OTOGL: variants seen among roughly 807,000 people sequenced by gnomAD.
OTOGL encodes the protein otogelin-like protein.
A neutral mutation model predicts 318.5 loss-of-function variants in OTOGL; 285 were observed. The observed-to-expected ratio is 0.89, with a 90% CI of 0.81 to 0.99. The LOEUF is 0.99. OTOGL is among the 50% of genes least tolerant of loss of function. OTOGL has a pLI of 0.00. For synonymous variants in OTOGL, 987 were observed against 936.5 expected (o/e 1.05, Z -0.99); for missense variants, 2,899 against 2,845.6 (o/e 1.02, Z -0.43).
At chr12:80,180,083 G>T (rs1203145015) in intron 1 of OTOGL, among the ~76,000 whole-genome samples, 2 of 152,200 alleles carry the variant, frequency 1.3e-5, no homozygotes, top group Non-Finnish European at 2.9e-5. Context: ...AGGAGGCCTT[G>T]GTGGCCACGA....
chr12:80,153,636 A>G (rs1872929730), intron 1 of OTOGL, among the ~76,000 whole-genome samples: 1 of 152,322 alleles, frequency 6.6e-6, no homozygotes, highest in African/African-American at 2.4e-5. Flanking sequence ...ATATAATGAT[A>G]TATTTTCACC....
chr12:80,153,951 G>A (rs1872952793), intron 1 of OTOGL, among the ~76,000 whole-genome samples: 1 of 152,158 alleles, frequency 6.6e-6, no homozygotes, highest in Non-Finnish European at 1.5e-5. Context: ...GAATCTGTAA[G>A]TGGACAAAGT....
chr12:80,158,417 G>C (rs1041805364), intron 1 of OTOGL, among the ~76,000 whole-genome samples: 1 of 152,044 alleles, frequency 6.6e-6, no homozygotes, highest in South Asian at 2.1e-4. Context: ...AGGGTTTAGA[G>C]TAAGGGATTG....
chr12:80,263,098 G>A (rs1459296269), intron 19 of OTOGL, among the ~76,000 whole-genome samples: 3 of 152,072 alleles, frequency 2.0e-5, no homozygotes, highest in Non-Finnish European at 2.9e-5. Context: ...TTAAATCTAA[G>A]CCAGCTTTTA....
At chr12:80,118,831 C>T (rs1011657169) in intron 1 of OTOGL, among the ~76,000 whole-genome samples, 1 of 150,034 alleles carries the variant, frequency 6.7e-6, no homozygotes, top group African/African-American at 2.5e-5. Flanking sequence ...GGTCCTAAAA[C>T]TCTTGTCTTA....
Position 80,378,040 on chromosome 12 carries a change from T to A in OTOGL, c.7054T>A (p.Trp2352Arg). The A allele has an allele frequency of 6.4e-7, 1 of 1,569,914 alleles. No homozygotes were observed. The highest frequency in any genetic ancestry group is 1.2e-5 in the South Asian group (1 of 85,780). Residue 2352 changes from tryptophan (W) to arginine (R), a missense_variant, in exon 59 of 59, where the codon TGG (tryptophan) becomes AGG (arginine). Physicochemically the swap from Trp to Arg is moderately radical, Grantham distance 101 (BLOSUM62 -3). Around this residue, in one of 3 missense-constraint regions of OTOGL, gnomAD observed 289 missense variants for 304.6 expected, o/e 0.95. Coordinates refer to ENST00000547103, the MANE Select transcript of OTOGL (RefSeq NM_001378609.3). Reference protein sequence around the residue: ...LQEPIDCTCQWN With the variant: ...LQEPIDCTCQRN ...GGAACCCATAGACTGTACGTGCCAG[T>A]GGAATTAAACCCTTGGGTTCCAAGA...
intron 1 of OTOGL, among the ~76,000 whole-genome samples, chr12:80,114,906 C>T (rs1311666745): frequency 6.6e-6 from 1 of 151,448 alleles, no homozygotes; most frequent in East Asian, 2.0e-4. Flanking sequence ...TTGATCAATT[C>T]AGCTATTGAT....
At chr12:80,183,994 G>C (rs1875111206) in intron 1 of OTOGL, among the ~76,000 whole-genome samples, 1 of 152,144 alleles carries the variant, frequency 6.6e-6, no homozygotes, top group African/African-American at 2.4e-5. Context: ...TGATTATTAT[G>C]TATATTAGAG....
intron 34 of OTOGL, among the ~76,000 whole-genome samples, chr12:80,322,400 T>C (rs990559506): frequency 6.6e-6 from 1 of 152,182 alleles, no homozygotes; most frequent in Non-Finnish European, 1.5e-5. Context: ...TATCAGAAGC[T>C]GATCTTTGTG....
intron 1 of OTOGL, among the ~76,000 whole-genome samples, chr12:80,180,774 A>G (rs1157102818): frequency 1.3e-5 from 2 of 152,134 alleles, no homozygotes; most frequent in Non-Finnish European, 1.5e-5. Flanking sequence ...AGGAGGGGGT[A>G]GTTTACCAAA....
At chr12:80,234,403 T>C (rs1879658161) in intron 9 of OTOGL, among the ~76,000 whole-genome samples, 1 of 152,164 alleles carries the variant, frequency 6.6e-6, no homozygotes, top group South Asian at 2.1e-4. Context: ...ATTATAAAAT[T>C]AATAGAGATG....
At chr12:80,161,152 T>C (rs1041298208) in intron 1 of OTOGL, among the ~76,000 whole-genome samples, 3 of 152,004 alleles carry the variant, frequency 2.0e-5, no homozygotes, top group African/African-American at 7.2e-5. Flanking sequence ...GGGTGATGGG[T>C]ATACCAGAAT....
Position 80,356,516 on chromosome 12 carries a change from A to G in OTOGL, c.5907A>G (p.Lys1969=). The G allele has an allele frequency of 6.3e-7, 1 of 1,588,470 alleles. No individual in the cohort carries two copies. The highest frequency in any genetic ancestry group is 8.6e-7 in the Non-Finnish European group (1 of 1,162,344). ...CTCTTTCTTGCTGTCCACAGTACAA[A>G]TGTGGTAAGTAATCAATATAGAAAA... ...HSPLSCCPQY[K]CECDPLKCPS... is the part of the protein sequence containing the mutation. Residue 1969 remains lysine (K), a synonymous_variant, in exon 48 of 59, where the codon AAA becomes AAG. Coordinates refer to ENST00000547103, the MANE Select transcript of OTOGL (RefSeq NM_001378609.3).
intron 21 of OTOGL, 109 bp downstream of exon 21, chr12:80,266,725 T>C: frequency 8.9e-7 from 1 of 1,127,736 alleles, no homozygotes; most frequent in Non-Finnish European, 1.2e-6. Context: ...TTATTGTCTT[T>C]ACTTTTTTTT....
At chr12:80,134,958 C>T (rs141050924) in intron 1 of OTOGL, among the ~76,000 whole-genome samples, 13 of 152,258 alleles carry the variant, frequency 8.5e-5, no homozygotes, top group African/African-American at 1.7e-4. Flanking sequence ...ATATCTTGGG[C>T]GTCTTCTAAT....
intron 7 of OTOGL, among the ~76,000 whole-genome samples, chr12:80,223,303 T>C (rs1207648830): frequency 6.6e-6 from 1 of 151,808 alleles, no homozygotes; most frequent in East Asian, 1.9e-4. Flanking sequence ...TGTATATATA[T>C]CATATTTTCT....
At chr12:80,294,124 A>G (rs1885226054) in intron 26 of OTOGL, among the ~76,000 whole-genome samples, 1 of 152,088 alleles carries the variant, frequency 6.6e-6, no homozygotes, top group South Asian at 2.1e-4. Context: ...TGTTGTCATT[A>G]TTACTATGTT....
In OTOGL at chr12:80,296,849, C is replaced by G; in HGVS notation, c.2951C>G (p.Ser984Cys). 6.6e-7 allele frequency: 1 copy of G among 1,513,752 alleles called. No homozygotes were observed. The highest frequency in any genetic ancestry group is 1.2e-5 in the South Asian group (1 of 81,326). The allele number at this position is 1,513,752 out of a possible 1,614,324, so 93.8% of individuals were successfully genotyped here. The change falls in exon 27 of 59, where the codon TCT becomes TGT. Residue 984 changes from serine to cysteine, a missense_variant. Coordinates refer to ENST00000547103, the MANE Select transcript of OTOGL (RefSeq NM_001378609.3). ...CAGAGTGCAGATGATTCAGATATAT[C>G]TGTCATTGCCCAGAACAAGAAATGC... ...LIKSADDSDI[S>C]VIAQNKKCFD...
In OTOGL at chr12:80,232,982, T is replaced by C. The variant is rs1399400253; in HGVS notation, c.702T>C (p.Ala234=). 5 of 1,599,056 alleles carry C rather than the reference T, an allele frequency of 3.1e-6. No homozygotes were observed. Among genetic ancestry groups the C allele is most frequent in the Non-Finnish European group, 8.5e-7 (1 of 1,179,382 alleles). ...LVKTTFGFSL[A]WDGISGIYLK... is the part of the protein sequence containing the mutation. ...AAACAACCTTTGGCTTTTCATTGGC[T>C]TGGGACGGGATATCTGGGATCTACC... Residue 234 remains alanine (A), a synonymous_variant, in exon 9 of 59, where the codon GCT becomes GCC. Coordinates refer to ENST00000547103, the MANE Select transcript of OTOGL (RefSeq NM_001378609.3).
Sources: allele counts gnomAD v4.1 joint callset (sites outside exome capture counted in the v4.1 genomes callset), GRCh38; gene constraint gnomAD v4.1.1; regional missense constraint gnomAD v4.1.1; transcripts MANE v1.5; gene names NCBI Gene and HGNC (gene_info 2026-07-23, HGNC 2026-07-21).